The following SLC35C1 variants were observed in gnomAD, a reference collection of about 807,000 sequenced individuals.
The protein encoded by SLC35C1 is solute carrier family 35 member C1.
In SLC35C1, 8 loss-of-function variants were observed where a neutral mutation model predicts 23.2. The ratio of observed to expected loss-of-function variants is 0.35; its 90% CI spans 0.20 to 0.62. The LOEUF is 0.62. Ranked by LOEUF, SLC35C1 falls within the 20% of genes least tolerant of loss-of-function variation. The pLI is 0.75. For missense variants in SLC35C1, 422 were observed against 478.6 expected (o/e 0.88, Z 1.10); for synonymous variants, 226 against 225.1 (o/e 1.00, Z -0.04).
Position 45,810,815 on chromosome 11 carries a change from G to A in SLC35C1, c.575G>A (p.Gly192Asp). The A allele has an allele frequency of 1.9e-6, 3 of 1,612,842 alleles. No individual in the cohort carries two copies. Among genetic ancestry groups the A allele is most frequent in the Non-Finnish European group, 2.5e-6 (3 of 1,180,000 alleles). The change falls in exon 2 of 2, where the codon GGC becomes GAC. Residue 192 changes from glycine to aspartate, a missense_variant. Physicochemically the swap from Gly to Asp is moderately conservative, Grantham distance 94 (BLOSUM62 -1). Coordinates refer to ENST00000314134, the MANE Select transcript of SLC35C1 (RefSeq NM_018389.5). ...WLGVDQEGAE[G>D]TLSWLGTVFG... is the part of the protein sequence containing the mutation. ...GGTGTGGACCAGGAGGGGGCAGAAG[G>A]CACCCTGTCGTGGCTGGGCACCGTC...
Position 45,805,299 on chromosome 11 carries a change from G to C in SLC35C1, c.-503G>C. The stretch of plus-strand genomic sequence containing the variant: ...CGCAGCCCTCCCTCCAGCCGCGCCC[G>C]GCCTCCGGCAGCTCCCTGTACGCCT... On this transcript the variant is annotated 5_prime_UTR_variant, in exon 1 of 2. Coordinates refer to ENST00000314134, the MANE Select transcript of SLC35C1 (RefSeq NM_018389.5). 9.9e-7 allele frequency: 1 copy of C among 1,006,452 alleles called. No homozygotes were observed. Among genetic ancestry groups the C allele is most frequent in the Non-Finnish European group, 1.2e-6 (1 of 845,784 alleles). The allele number at this position is 1,006,452 out of a possible 1,614,324, so 62.3% of individuals were successfully genotyped here. A position where few individuals can be genotyped will look rare whatever the true frequency, so the allele number is the denominator to read the frequency against.
intron 1 of SLC35C1, 52 bp downstream of exon 1, chr11:45,806,388 A>C (rs750157568): frequency 6.3e-7 from 1 of 1,596,108 alleles, no homozygotes; most frequent in South Asian, 1.1e-5. Context: ...GGACTGAAGC[A>C]GTGAAGAACA....
chr11:45,806,254 C>G lies in SLC35C1; in HGVS notation c.453C>G (p.Thr151=). The change falls in exon 1 of 2, where the codon ACC becomes ACG. Residue 151 remains threonine, a synonymous_variant. Coordinates refer to ENST00000314134, the MANE Select transcript of SLC35C1 (RefSeq NM_018389.5). ...AFYNVGRSLT[T]VFNVLLSYLL... is the part of the protein sequence containing the mutation. ...ACAATGTGGGCCGCTCACTCACCAC[C>G]GTCTTCAACGTGCTGCTCTCCTACC... is the stretch of plus-strand genomic sequence containing the variant. The G allele has an allele frequency of 6.8e-6, 11 of 1,610,168 alleles. No individual in the cohort carries two copies. Among genetic ancestry groups the G allele is most frequent in the Non-Finnish European group, 9.3e-6 (11 of 1,180,004 alleles).
In SLC35C1 at chr11:45,805,166, T is replaced by C; in HGVS notation, c.-636T>C. On this transcript the variant is annotated 5_prime_UTR_variant, in exon 1 of 2. Transcript: ENST00000314134. ...GAGTCGGCCTCGGATGTCCGGAGGC[T>C]CCTGGGCTGAGCCGGCGACAGAGCC... 2.0e-6 allele frequency: 2 copies of C among 990,420 alleles called. No individual in the cohort carries two copies. The highest frequency in any genetic ancestry group is 2.4e-6 in the Non-Finnish European group (2 of 832,692). The allele number at this position is 990,420 out of a possible 1,614,324, so 61.4% of individuals were successfully genotyped here.
chr11:45,810,234 C>T (rs2085924009), intron 1 of SLC35C1: 1 of 985,326 alleles, frequency 1.0e-6, no homozygotes, highest in South Asian at 4.7e-5. Flanking sequence ...CCAAATGACA[C>T]AAGAGATTCT....
chr11:45,805,136 C>T, upstream of SLC35C1: 2 of 986,682 alleles, frequency 2.0e-6, no homozygotes, highest in Non-Finnish European at 2.4e-6. Context: ...GGCCCGCCTC[C>T]CGGGGAGTCG....
Position 45,805,627 on chromosome 11 carries a change from C to T in SLC35C1, c.-175C>T. ...TAGGTTGTGGAGCAGCACAACTGGG[C>T]TCACCCCAAAGCAGAACTTCTCAAT... On this transcript the variant is annotated 5_prime_UTR_variant, in exon 1 of 2. Transcript: ENST00000314134. 1 of 1,489,992 alleles carries T rather than the reference C, an allele frequency of 6.7e-7. No individual in the cohort carries two copies. The highest frequency in any genetic ancestry group is 8.9e-7 in the Non-Finnish European group (1 of 1,120,792). 92.3% of individuals were successfully genotyped at this position (1,489,992 alleles called of 1,614,324 possible).
chr11:45,804,773 C>T, upstream of SLC35C1: 1 of 985,774 alleles, frequency 1.0e-6, no homozygotes, highest in Non-Finnish European at 1.2e-6. Flanking sequence ...ACGCGAGTCT[C>T]CGGAGGTGGA....
chr11:45,805,762 C>G lies in SLC35C1; in HGVS notation c.-40C>G, dbSNP rs1590742642. ...CTCACTGCCCTGGACTCCAGGGAAT[C>G]AGAGTTCTGGCCGCGGGGTGACCCA... On this transcript the variant is annotated 5_prime_UTR_variant, in exon 1 of 2. It adds an upstream start codon to the 5' untranslated region. Transcript: ENST00000314134. The G allele has an allele frequency of 6.2e-7, 1 of 1,608,040 alleles. No homozygotes were observed. Among genetic ancestry groups the G allele is most frequent in the Non-Finnish European group, 8.5e-7 (1 of 1,179,894 alleles).
In SLC35C1 at chr11:45,805,598, GGAGT is replaced by G; in HGVS notation, c.-203_-200del. On this transcript the variant is annotated 5_prime_UTR_variant, in exon 1 of 2. The change abolishes the stop of an existing upstream ORF in the 5' untranslated region. Coordinates refer to ENST00000314134, the MANE Select transcript of SLC35C1 (RefSeq NM_018389.5). ...CTTGTCTCAGAGCCCCCTCGGGGTG[GGAGT>G]AGGTTGTGGAGCAGCACAACTGGGC... The G allele has an allele frequency of 6.8e-7, 1 of 1,465,108 alleles. No individual in the cohort carries two copies. The highest frequency in any genetic ancestry group is 9.0e-7 in the Non-Finnish European group (1 of 1,109,390). The allele number at this position is 1,465,108 out of a possible 1,614,324, so 90.8% of individuals were successfully genotyped here.
At chr11:45,807,512 T>G (rs1376755442) in intron 1 of SLC35C1, among the ~76,000 whole-genome samples, 1 of 152,178 alleles carries the variant, frequency 6.6e-6, no homozygotes, top group Non-Finnish European at 1.5e-5. Flanking sequence ...CATCTAGGAA[T>G]GGGGTCTTCA....
rs542187629 is a variant in SLC35C1 at position 45,811,426 on chromosome 11, G to C, written c.*91G>C. Reference sequence around the variant, plus strand: ...GAAGGCGGTCTCCTGGACCCCAGAAGCGTGCTGTGGTGTGGACTGGGTGCT... The same window carrying C: ...GAAGGCGGTCTCCTGGACCCCAGAACCGTGCTGTGGTGTGGACTGGGTGCT... On this transcript the variant is annotated 3_prime_UTR_variant, in exon 2 of 2. Transcript: ENST00000314134. The C allele has an allele frequency of 8.0e-6, 9 of 1,126,122 alleles. No homozygotes were observed. The South Asian group carries it at 1.2e-4, about 15-fold the overall frequency. The allele number at this position is 1,126,122 out of a possible 1,614,324, so 69.8% of individuals were successfully genotyped here.
intron 1 of SLC35C1, chr11:45,810,063 C>T (rs577622327): frequency 1.0e-6 from 1 of 985,396 alleles, no homozygotes. Context: ...GGGTGAGAAG[C>T]AGGGAGACGA....
In SLC35C1 at chr11:45,808,374, G is replaced by A. The variant is rs1475886805; in HGVS notation, c.535+2038G>A. Among the ~76,000 whole-genome samples, 328 of 152,198 alleles carry A rather than the reference G, an allele frequency of 2.2e-3. 1 individual carries two copies. The highest frequency in any genetic ancestry group is 2.9e-4 in the Non-Finnish European group (20 of 68,008). ...AAATTAGCCGGGCGTGGTGGCATGT[G>A]CCTGTAATCCCAGCTACTCGGGAGG... On this transcript the variant is annotated intron_variant, in intron 1 of 1. Transcript: ENST00000314134.
At chr11:45,804,984 C>T (rs1394617594), upstream of SLC35C1, 3 of 985,628 alleles carry the variant, frequency 3.0e-6, no homozygotes, top group Non-Finnish European at 3.6e-6. Context: ...GCCGAGGTCC[C>T]CCGCCAGCAG....
At chr11:45,806,479 G>C in intron 1 of SLC35C1, 143 bp downstream of exon 1, 7 of 1,167,398 alleles carry the variant, frequency 6.0e-6, no homozygotes, top group Non-Finnish European at 8.6e-6. Context: ...TGGGGGCACA[G>C]AGAGAGCAAG....
Position 45,805,328 on chromosome 11 carries a change from T to TA in SLC35C1, c.-474_-473insA. ...TCCGGCAGCTCCCTGTACGCCTCCC[T>TA]CCCCCTGCCCGCCCCTCCCTCCCAC... On this transcript the variant is annotated 5_prime_UTR_variant, in exon 1 of 2. Transcript: ENST00000314134. The TA allele has an allele frequency of 5.1e-5, 37 of 726,612 alleles. No homozygotes were observed. The highest frequency in any genetic ancestry group is 5.8e-5 in the Non-Finnish European group (36 of 622,170). 45.0% of individuals were successfully genotyped at this position (726,612 alleles called of 1,614,324 possible). A position where few individuals can be genotyped will look rare whatever the true frequency, so the allele number is the denominator to read the frequency against.
In SLC35C1 at chr11:45,811,223, T is replaced by C. The variant is rs764394629; in HGVS notation, c.983T>C (p.Met328Thr). The C allele has an allele frequency of 5.0e-6, 8 of 1,608,850 alleles. No individual in the cohort carries two copies. The highest frequency in any genetic ancestry group is 6.8e-6 in the Non-Finnish European group (8 of 1,177,072). Reference protein sequence around the residue: ...TKSFLWWTSNMMVLGGSSAYT... With the variant: ...TKSFLWWTSNTMVLGGSSAYT... Reference sequence around the variant, plus strand: ...AGCTTCCTCTGGTGGACGAGCAACATGATGGTGCTGGGCGGCTCCTCCGCC... The same window carrying C: ...AGCTTCCTCTGGTGGACGAGCAACACGATGGTGCTGGGCGGCTCCTCCGCC... The change falls in exon 2 of 2, where the codon ATG (methionine) becomes ACG (threonine). Residue 328 changes from methionine (M) to threonine (T), a missense_variant. Physicochemically the swap from Met to Thr is moderately conservative, Grantham distance 81. Coordinates refer to ENST00000314134, the MANE Select transcript of SLC35C1 (RefSeq NM_018389.5).
At chr11:45,805,023 G>C, upstream of SLC35C1, 1 of 985,812 alleles carries the variant, frequency 1.0e-6, no homozygotes, top group Non-Finnish European at 1.2e-6. Flanking sequence ...GGCGGGGCTG[G>C]GGACTGGCGA....
Sources: gnomAD v4.1 joint callset for allele counts (sites outside exome capture counted in the v4.1 genomes callset) on GRCh38, gnomAD v4.1.1 for gene constraint, MANE v1.5 for transcripts, NCBI Gene and HGNC (gene_info 2026-07-23, HGNC 2026-07-21) for gene names.